DNAH6: variants seen among roughly 807,000 people sequenced by gnomAD.
The protein encoded by DNAH6 is dynein axonemal heavy chain 6, also known as axonemal beta dynein heavy chain 6.
Under a neutral mutation model 491.4 loss-of-function variants are expected in DNAH6, and 340 were observed. That is an observed-to-expected ratio of 0.69 (90% CI 0.63 to 0.76). DNAH6 has a LOEUF of 0.76. Ranked by LOEUF, DNAH6 falls within the 30% of genes least tolerant of loss-of-function variation. The pLI, the probability that DNAH6 is intolerant of heterozygous loss-of-function variation, is 0.00. For synonymous variants in DNAH6, 1,603 were observed against 1,686.1 expected (o/e 0.95, Z 1.21); for missense variants, 4,443 against 4,972.2 (o/e 0.89, Z 3.20).
At position 84,622,723 on chromosome 2, in the gene DNAH6, C is replaced by T. The variant is rs552109736; in HGVS notation, c.4071+1172C>T. Among the ~76,000 whole-genome samples the T allele has an allele frequency of 5.3e-5, 8 of 152,226 alleles. No individual in the cohort carries two copies. The South Asian group carries it at 1.2e-3, about 24-fold the overall frequency. ...GGGATTACTGGGTCATATGGTAGTT[C>T]CATTTTTAATTTTTTGAGGAGCCGG... On this transcript the variant is annotated intron_variant, in intron 26 of 76. Coordinates refer to ENST00000389394, the MANE Select transcript of DNAH6 (RefSeq NM_001370.2).
intron 61 of DNAH6, among the ~76,000 whole-genome samples, chr2:84,732,309 G>A (rs141564285): frequency 3.2e-4 from 49 of 152,126 alleles, no homozygotes; most frequent in African/African-American, 1.1e-3. Flanking sequence ...CTGGTTAAAC[G>A]TATGTCTGCA....
chr2:84,553,432 T>G (rs527374096), intron 10 of DNAH6, among the ~76,000 whole-genome samples: 1 of 148,496 alleles, frequency 6.7e-6, no homozygotes, highest in East Asian at 2.0e-4. Flanking sequence ...TTTCTTTCTT[T>G]CTTTTTCTCT....
intron 2 of DNAH6, 122 bp downstream of exon 2, chr2:84,518,173 T>C: frequency 1.5e-6 from 1 of 688,674 alleles, no homozygotes; most frequent in Non-Finnish European, 2.4e-6. Flanking sequence ...AGCTAAAAGA[T>C]AATAACTGCT....
chr2:84,773,902 C>T (rs1459131211), intron 64 of DNAH6, among the ~76,000 whole-genome samples: 6 of 151,966 alleles, frequency 3.9e-5, no homozygotes, highest in Non-Finnish European at 8.8e-5. Context: ...AGTGTCTATT[C>T]ATATCTTTTG....
At chr2:84,495,470 C>T in the DNAH6 span, among the ~76,000 whole-genome samples, 1 of 152,168 alleles carries the variant, frequency 6.6e-6, no homozygotes, top group Non-Finnish European at 1.5e-5. Flanking sequence ...GCCTCTTTGA[C>T]CTTTTCAAAT....
intron 37 of DNAH6, among the ~76,000 whole-genome samples, chr2:84,668,810 C>CTG (rs766203821): frequency 0.014 from 1,746 of 121,044 alleles, 29 homozygotes; most frequent in African/African-American, 0.028. Context: ...AGCCATCCCT[C>CTG]TGTGTGTGTG....
intron 72 of DNAH6, among the ~76,000 whole-genome samples, chr2:84,810,947 C>T (rs1054486444): frequency 6.6e-6 from 1 of 152,140 alleles, no homozygotes; most frequent in Non-Finnish European, 1.5e-5. Context: ...CTCCCTCCAC[C>T]TCTATCATTT....
At position 84,575,883 on chromosome 2, in the gene DNAH6, CA is replaced by C. The variant is rs956631721; in HGVS notation, c.1925-1365del. Among the ~76,000 whole-genome samples, 326 of 149,962 alleles carry C rather than the reference CA, an allele frequency of 2.2e-3. 1 individual carries two copies. The highest frequency in any genetic ancestry group is 7.8e-3 in the African/African-American group (319 of 40,876). ...TGGGCGACAGTGCAAGACTCCGTCTCAAAAAAAAAGGAGAAAGAAATCGTAT... is the reference window on the plus strand; with the variant it reads ...TGGGCGACAGTGCAAGACTCCGTCTCAAAAAAAAGGAGAAAGAAATCGTAT... On this transcript the variant is annotated intron_variant, in intron 12 of 76. Transcript: ENST00000389394.
Position 84,621,560 on chromosome 2 carries a change from T to G in DNAH6, c.4071+9T>G. On this transcript the variant is annotated intron_variant, in intron 26 of 76. Coordinates refer to ENST00000389394, the MANE Select transcript of DNAH6 (RefSeq NM_001370.2). Reference sequence around the variant, plus strand: ...AAAAAGTAAATTTTGAGGTGAGATCTGTAACAAAGTGACATTGTTGTCCTG... The same window carrying G: ...AAAAAGTAAATTTTGAGGTGAGATCGGTAACAAAGTGACATTGTTGTCCTG... 4 of 1,467,748 alleles carry G rather than the reference T, an allele frequency of 2.7e-6. No homozygotes were observed. The highest frequency in any genetic ancestry group is 3.7e-6 in the Non-Finnish European group (4 of 1,079,214). 90.9% of individuals were successfully genotyped at this position (1,467,748 alleles called of 1,614,324 possible). A position where few individuals can be genotyped will look rare whatever the true frequency, so the allele number is the denominator to read the frequency against.
chr2:84,462,851 G>T, the DNAH6 span, among the ~76,000 whole-genome samples: 1 of 152,156 alleles, frequency 6.6e-6, no homozygotes, highest in Non-Finnish European at 1.5e-5. Flanking sequence ...AGCAGGCAGG[G>T]CAATATTTGG....
rs1484569767 is a variant in DNAH6 at position 84,699,909 on chromosome 2, G to A, written c.7818+175G>A. 3.9e-5 allele frequency among the ~76,000 whole-genome samples: 6 copies of A among 152,026 alleles called. 1 individual carries two copies. Among genetic ancestry groups the A allele is most frequent in the African/African-American group, 1.5e-4 (6 of 41,302 alleles). ...ATAGAACAAAGACAAAACAGAATTTGTAAAGTAAGAGACCATTGAATTTAG... is the reference window on the plus strand; with the variant it reads ...ATAGAACAAAGACAAAACAGAATTTATAAAGTAAGAGACCATTGAATTTAG... On this transcript the variant is annotated intron_variant, in intron 48 of 76. Transcript: ENST00000389394.
At chr2:84,583,916 A>C in intron 14 of DNAH6, 83 bp from the exon 15 acceptor site, 1 of 1,359,936 alleles carries the variant, frequency 7.4e-7, no homozygotes, top group Non-Finnish European at 1.0e-6. Flanking sequence ...CATATTGTAC[A>C]GTGTCTGTCT....
In DNAH6 at chr2:84,704,180, T is replaced by C; in HGVS notation, c.8343T>C (p.Asp2781=). 1 of 1,551,970 alleles carries C rather than the reference T, an allele frequency of 6.4e-7. No individual in the cohort carries two copies. The highest frequency in any genetic ancestry group is 1.2e-5 in the South Asian group (1 of 84,058). The change falls in exon 51 of 77, where the codon GAT becomes GAC. Residue 2781 remains aspartate (D), a synonymous_variant. Coordinates refer to ENST00000389394, the MANE Select transcript of DNAH6 (RefSeq NM_001370.2). ...TTGACGAGGCACTACCTGCACTAGATGCTGCCAATAAAGCACTGGATTCCT... is the reference window on the plus strand; with the variant it reads ...TTGACGAGGCACTACCTGCACTAGACGCTGCCAATAAAGCACTGGATTCCT... The part of the protein sequence containing the change: ...RDLDEALPAL[D]AANKALDSLD...
chr2:84,627,629 C>T (rs1220380844), intron 29 of DNAH6, among the ~76,000 whole-genome samples: 1 of 152,068 alleles, frequency 6.6e-6, no homozygotes, highest in Non-Finnish European at 1.5e-5. Flanking sequence ...CAGGATGTGT[C>T]TAGATGAAAT....
the DNAH6 span, among the ~76,000 whole-genome samples, chr2:84,508,503 C>G: frequency 1.3e-5 from 2 of 152,052 alleles, no homozygotes; most frequent in South Asian, 4.1e-4. Flanking sequence ...TTTTGTTGAT[C>G]TTTTCAAAAA....
At position 84,722,877 on chromosome 2, in the gene DNAH6, T is replaced by C. The variant is rs988819203; in HGVS notation, c.9972+73T>C. 5.3e-6 allele frequency: 5 copies of C among 946,370 alleles called. No homozygotes were observed. In the African/African-American group the frequency reaches 8.6e-5, roughly 16 times the overall value. 58.6% of individuals were successfully genotyped at this position (946,370 alleles called of 1,614,324 possible). A position where few individuals can be genotyped will look rare whatever the true frequency, so the allele number is the denominator to read the frequency against. ...TACACCTGTTGAATTACTTCTTGCT[T>C]CACATAAGCCATAAGTCTAGTTATC... On this transcript the variant is annotated intron_variant, in intron 60 of 76. Transcript: ENST00000389394.
chr2:84,724,522 G>A (rs1344017717), intron 60 of DNAH6, among the ~76,000 whole-genome samples: 2 of 152,200 alleles, frequency 1.3e-5, no homozygotes, highest in Non-Finnish European at 2.9e-5. Context: ...CTAACTGGAT[G>A]CTTTTGTGTT....
At chr2:84,643,541 G>T (rs1366929037) in intron 33 of DNAH6, among the ~76,000 whole-genome samples, 2 of 151,816 alleles carry the variant, frequency 1.3e-5, no homozygotes, top group African/African-American at 4.8e-5. Context: ...ATGGTTCTTG[G>T]GTATTATGTT....
chr2:84,510,472 C>T, the DNAH6 span, among the ~76,000 whole-genome samples: 5 of 152,110 alleles, frequency 3.3e-5, no homozygotes, highest in South Asian at 2.1e-4. Flanking sequence ...GTTAGCCATT[C>T]GTGTAATTTT....
Sources: gnomAD v4.1 joint callset for allele counts (sites outside exome capture counted in the v4.1 genomes callset) on GRCh38, gnomAD v4.1.1 for gene constraint, MANE v1.5 for transcripts, NCBI Gene and HGNC (gene_info 2026-07-23, HGNC 2026-07-21) for gene names.